Variants in LURAP1L observed in about 807,000 individuals in gnomAD.
The protein encoded by LURAP1L is leucine rich adaptor protein 1 like, also known as leucine rich adaptor protein 1-like.
LURAP1L carries 12 observed loss-of-function variants against 13.8 expected under a neutral mutation model. The observed-to-expected ratio is 0.87, with a 90% CI of 0.56 to 1.41. The LOEUF is 1.41. Ranked by LOEUF, LURAP1L falls within the 40% of genes most tolerant of loss-of-function variation. The pLI is 0.00. For synonymous variants in LURAP1L, 139 were observed against 119.2 expected, an observed-to-expected ratio of 1.17 and a Z score of -1.08; for missense variants, 375 against 292.9, an observed-to-expected ratio of 1.28 and a Z score of -2.04.
At chr9:12,800,526 A>G (rs1280231016) in intron 1 of LURAP1L, among the ~76,000 whole-genome samples, 3 of 148,364 alleles carry the variant, frequency 2.0e-5, no homozygotes, top group Non-Finnish European at 4.5e-5. Flanking sequence ...TTAGCAAAAC[A>G]ACAAAACAAA....
chr9:12,790,556 A>G (rs375076999), intron 1 of LURAP1L: 13 of 152,130 alleles, frequency 8.5e-5, no homozygotes, highest in East Asian at 5.8e-4. Flanking sequence ...TCCCCTGTCT[A>G]TTACTGTAGC....
chr9:12,811,006 T>C (rs1195370913), intron 1 of LURAP1L, among the ~76,000 whole-genome samples: 1 of 152,218 alleles, frequency 6.6e-6, no homozygotes, highest in Non-Finnish European at 1.5e-5. Context: ...ATATTTCCTA[T>C]GCAAAGGGCC....
chr9:12,790,712 G>C (rs1819429026), intron 1 of LURAP1L: 1 of 150,926 alleles, frequency 6.6e-6, no homozygotes, highest in Non-Finnish European at 1.5e-5. Flanking sequence ...TGTTCTCAGA[G>C]TTGTCGGAAG....
chr9:12,795,541 C>A (rs923891673), intron 1 of LURAP1L, among the ~76,000 whole-genome samples: 5 of 151,872 alleles, frequency 3.3e-5, no homozygotes, highest in Non-Finnish European at 7.4e-5. Context: ...CCTAGGAAAC[C>A]ACAGCGAGAT....
chr9:12,786,547 C>CATATATATATATAT (rs67654649), intron 1 of LURAP1L, among the ~76,000 whole-genome samples: 3,968 of 52,552 alleles, frequency 0.076, 444 homozygotes, highest in African/African-American at 0.11. Flanking sequence ...ATATATATGA[C>CATATATATATATAT]ATATATATAT....
rs561201865 is a variant in LURAP1L at position 12,787,056 on chromosome 9, C to T, written c.312+11029C>T. Among the ~76,000 whole-genome samples the T allele has an allele frequency of 8.4e-4, 127 of 152,086 alleles. 1 individual carries two copies. Among genetic ancestry groups the T allele is most frequent in the Non-Finnish European group, 1.1e-3 (76 of 68,026 alleles). On this transcript the variant is annotated intron_variant, in intron 1 of 1. Transcript: ENST00000319264. Reference sequence around the variant, plus strand: ...TCTGTAACAGTGAACTGTTACATCTCATTATTAAAATGATACATATTATTG... The same window carrying T: ...TCTGTAACAGTGAACTGTTACATCTTATTATTAAAATGATACATATTATTG...
intron 1 of LURAP1L, chr9:12,777,167 G>C (rs1819198900): frequency 1.2e-6 from 1 of 810,288 alleles, no homozygotes; most frequent in African/African-American, 1.9e-5. Flanking sequence ...AGTTATTATA[G>C]AGTTCTATCA....
chr9:12,806,361 A>T (rs1819656221), intron 1 of LURAP1L, among the ~76,000 whole-genome samples: 2 of 152,160 alleles, frequency 1.3e-5, no homozygotes, highest in South Asian at 2.1e-4. Flanking sequence ...AGGAAAATAA[A>T]ACTATAACCT....
At chr9:12,804,220 T>C (rs1819624815) in intron 1 of LURAP1L, among the ~76,000 whole-genome samples, 2 of 152,326 alleles carry the variant, frequency 1.3e-5, no homozygotes, top group African/African-American at 2.4e-5. Flanking sequence ...GAAACTTTTG[T>C]CACAGCAGAA....
chr9:12,797,316 C>G (rs1819523056), intron 1 of LURAP1L, among the ~76,000 whole-genome samples: 1 of 152,086 alleles, frequency 6.6e-6, no homozygotes, highest in Non-Finnish European at 1.5e-5. Flanking sequence ...TAGAAAGATA[C>G]TACTGCTATG....
At chr9:12,806,441 C>A (rs1337761481) in intron 1 of LURAP1L, among the ~76,000 whole-genome samples, 2 of 151,772 alleles carry the variant, frequency 1.3e-5, no homozygotes, top group Non-Finnish European at 2.9e-5. Context: ...ACAAATCTAC[C>A]AGTCAATTTA....
rs1242143103 is a variant in LURAP1L, at chr9:12,775,768, G to A, written c.53G>A (p.Arg18His). 1.2e-6 allele frequency: 2 copies of A among 1,607,270 alleles called. No homozygotes were observed. Among genetic ancestry groups the A allele is most frequent in the Admixed American group, 1.7e-5 (1 of 57,690 alleles). Residue 18 changes from arginine to histidine, a missense_variant, in exon 1 of 2, where the codon CGC becomes CAC. Transcript: ENST00000319264. The part of the protein sequence containing the change: ...DLRDIELKLG[R>H]KVPESLVRSL... ...AGAGACATCGAGCTGAAGCTGGGGC[G>A]CAAAGTACCCGAGAGTCTAGTGCGC...
chr9:12,776,115 G>A (rs555618559), intron 1 of LURAP1L, 88 bp downstream of exon 1: 11 of 1,343,378 alleles, frequency 8.2e-6, no homozygotes, highest in Non-Finnish European at 1.2e-5. Context: ...GAGAGAGGAC[G>A]GCAGGGGCTG....
At chr9:12,791,776 A>G (rs1356874040) in intron 1 of LURAP1L, among the ~76,000 whole-genome samples, 2 of 151,904 alleles carry the variant, frequency 1.3e-5, no homozygotes, top group African/African-American at 4.8e-5. Flanking sequence ...CTGTTCCTCA[A>G]AATAATTCAG....
chr9:12,791,932 A>G lies in LURAP1L; in HGVS notation c.312+15905A>G, dbSNP rs1316112654. Among the ~76,000 whole-genome samples the G allele has an allele frequency of 2.6e-5, 4 of 152,212 alleles. No individual in the cohort carries two copies. The South Asian group carries it at 8.3e-4, about 32-fold the overall frequency. ...TGCTGACTTCAGACCTGTCCTAGGA[A>G]TATTTTTCGACAGAGCTCTGCAAGT... is the stretch of plus-strand genomic sequence containing the variant. On this transcript the variant is annotated intron_variant, in intron 1 of 1. Transcript: ENST00000319264.
Position 12,822,097 on chromosome 9 carries a change from A to T in LURAP1L, c.*337A>T. The T allele has an allele frequency of 1.0e-5, 2 of 200,164 alleles. No individual in the cohort carries two copies. The highest frequency in any genetic ancestry group is 1.0e-5 in the Non-Finnish European group (1 of 97,936). The allele number at this position is 200,164 out of a possible 1,614,324, so 12.4% of individuals were successfully genotyped here. A position where few individuals can be genotyped will look rare whatever the true frequency, so the allele number is the denominator to read the frequency against. On this transcript the variant is annotated 3_prime_UTR_variant, in exon 2 of 2. Coordinates refer to ENST00000319264, the MANE Select transcript of LURAP1L (RefSeq NM_203403.2). ...AGGGATTACAAGAAAAACTTTGCTA[A>T]ATTTTACAATAAACCAAAGTCTGAT...
intron 1 of LURAP1L, among the ~76,000 whole-genome samples, chr9:12,808,341 T>C (rs913451909): frequency 3.3e-5 from 5 of 152,116 alleles, no homozygotes; most frequent in Non-Finnish European, 1.5e-5. Flanking sequence ...TGTGGCAAAA[T>C]ATATATAACA....
chr9:12,783,349 T>A (rs535814500), intron 1 of LURAP1L, among the ~76,000 whole-genome samples: 1 of 152,202 alleles, frequency 6.6e-6, no homozygotes, highest in Non-Finnish European at 1.5e-5. Flanking sequence ...GGTCTGTTTA[T>A]ATGGCTTTTA....
chr9:12,809,211 T>G (rs1182799866), intron 1 of LURAP1L, among the ~76,000 whole-genome samples: 4 of 152,148 alleles, frequency 2.6e-5, no homozygotes, highest in Non-Finnish European at 5.9e-5. Context: ...CCTCTAGCAT[T>G]GGGGATCACA....
Sources: allele counts gnomAD v4.1 joint callset (sites outside exome capture counted in the v4.1 genomes callset), GRCh38; gene constraint gnomAD v4.1.1; transcripts MANE v1.5; gene names NCBI Gene and HGNC (gene_info 2026-07-23, HGNC 2026-07-21).